Variants in EIF4G3 observed in about 807,000 individuals in gnomAD.
The protein encoded by EIF4G3 is eukaryotic translation initiation factor 4 gamma 3.
A neutral mutation model predicts 186.4 loss-of-function variants in EIF4G3; 34 were observed. That is an observed-to-expected ratio of 0.18 (90% confidence interval 0.14 to 0.24). The LOEUF is 0.24. EIF4G3 is among the 10% of genes least tolerant of loss of function. EIF4G3 has a pLI of 1.00. For synonymous variants in EIF4G3, 673 were observed against 679.5 expected, an observed-to-expected ratio of 0.99 and a Z score of 0.15; for missense variants, 1,536 against 1,948.5, an observed-to-expected ratio of 0.79 and a Z score of 3.99.
At chr1:21,127,429 T>C (rs2097067729) in intron 2 of EIF4G3, among the ~76,000 whole-genome samples, 2 of 152,254 alleles carry the variant, frequency 1.3e-5, no homozygotes, top group African/African-American at 2.4e-5. Flanking sequence ...CTGACAATTA[T>C]GTCTGGGTAC....
At chr1:20,857,088 G>A (rs1050212896) in intron 25 of EIF4G3, among the ~76,000 whole-genome samples, 5 of 139,722 alleles carry the variant, frequency 3.6e-5, no homozygotes, top group Non-Finnish European at 6.1e-5. Flanking sequence ...TTGTGAACTC[G>A]GGAGGTGGAG....
intron 3 of EIF4G3, among the ~76,000 whole-genome samples, chr1:21,063,796 G>A (rs768831172): frequency 2.1e-4 from 31 of 150,120 alleles, no homozygotes; most frequent in African/African-American, 6.9e-4. Context: ...TGCAACCTCC[G>A]CCTCCCGGGT....
At chr1:21,156,393 T>C (rs1450744949) in intron 2 of EIF4G3, among the ~76,000 whole-genome samples, 1 of 152,182 alleles carries the variant, frequency 6.6e-6, no homozygotes. Context: ...TCCATTATGC[T>C]TATATTATCA....
At chr1:20,893,784 C>A (rs2086927929) in intron 17 of EIF4G3, 148 bp from the exon 18 acceptor site, 1 of 802,606 alleles carries the variant, frequency 1.2e-6, no homozygotes, top group Non-Finnish European at 1.8e-6. Context: ...TCATCCATGG[C>A]AGCTTCTCCT....
rs2068361802 is a variant in EIF4G3, at chr1:20,840,904, T to C, written c.4013A>G (p.Tyr1338Cys). The change falls in exon 30 of 37, where the codon TAT becomes TGT. Residue 1338 changes from tyrosine to cysteine, a missense_variant. Physicochemically the swap from Tyr to Cys is radical, Grantham distance 194. Transcript: ENST00000602326. ...GAGTTTTTCTGACTGTACCAGCTGA[T>C]AGAGTAATTGGCCCATGTGATCCCT... ...ITRDHMGQLL[Y>C]QLVQSEKLSK... 2 of 1,614,184 alleles carry C rather than the reference T, an allele frequency of 1.2e-6. No individual in the cohort carries two copies. The highest frequency in any genetic ancestry group is 1.7e-6 in the Non-Finnish European group (2 of 1,180,038).
chr1:20,861,944 A>C (rs1401118890), intron 23 of EIF4G3, among the ~76,000 whole-genome samples: 2 of 152,102 alleles, frequency 1.3e-5, no homozygotes, highest in East Asian at 3.9e-4. Context: ...ACTGCACTCC[A>C]GCCTGGGCGA....
intron 2 of EIF4G3, among the ~76,000 whole-genome samples, chr1:21,113,121 G>T: frequency 8.0e-6 from 1 of 124,406 alleles, no homozygotes; most frequent in Non-Finnish European, 1.6e-5. Flanking sequence ...ACTGTACTCC[G>T]GCCTGGCTGA....
chr1:20,988,860 C>A (rs191754223), intron 7 of EIF4G3, among the ~76,000 whole-genome samples: 4 of 151,306 alleles, frequency 2.6e-5, no homozygotes, highest in African/African-American at 9.7e-5. Flanking sequence ...TGGTTCTGGG[C>A]AAACTACATA....
chr1:20,997,835 T>C (rs2082625825), intron 6 of EIF4G3, among the ~76,000 whole-genome samples: 1 of 151,362 alleles, frequency 6.6e-6, no homozygotes, highest in South Asian at 2.1e-4. Context: ...AACAGCACTA[T>C]CAGAATAGTT....
intron 2 of EIF4G3, among the ~76,000 whole-genome samples, chr1:21,100,106 C>G (rs909864909): frequency 3.9e-5 from 6 of 152,068 alleles, no homozygotes; most frequent in Admixed American, 1.3e-4. Flanking sequence ...AGCCAATCAC[C>G]AAAGACTGTA....
intron 12 of EIF4G3, among the ~76,000 whole-genome samples, chr1:20,952,951 A>G (rs1451668313): frequency 2.0e-5 from 3 of 152,246 alleles, no homozygotes; most frequent in African/African-American, 2.4e-5. Context: ...TTACTAATCA[A>G]TAAGTCAGAA....
intron 3 of EIF4G3, among the ~76,000 whole-genome samples, chr1:21,058,669 C>T (rs1200426691): frequency 2.7e-5 from 4 of 147,456 alleles, no homozygotes; most frequent in Admixed American, 2.0e-4. Context: ...TGGGACTACA[C>T]GTACATGCCA....
At chr1:21,104,945 A>G (rs759353840) in intron 2 of EIF4G3, among the ~76,000 whole-genome samples, 4 of 152,214 alleles carry the variant, frequency 2.6e-5, no homozygotes, top group African/African-American at 4.8e-5. Flanking sequence ...TCCTAAGACA[A>G]CTAATGAAGG....
intron 6 of EIF4G3, among the ~76,000 whole-genome samples, chr1:21,000,756 T>G (rs551730596): frequency 6.6e-6 from 1 of 152,168 alleles, no homozygotes; most frequent in East Asian, 1.9e-4. Flanking sequence ...ATGGGGTGGG[T>G]AATGGTCACT....
intron 19 of EIF4G3, among the ~76,000 whole-genome samples, chr1:20,882,207 ACACAC>A (rs1558059125): frequency 6.8e-4 from 102 of 149,212 alleles, no homozygotes; most frequent in East Asian, 3.0e-3. Flanking sequence ...ACACACACAC[ACACAC>A]ACAAAATCAT....
chr1:20,882,176 T>TACACACACACACAC (rs138208807), intron 19 of EIF4G3, among the ~76,000 whole-genome samples: 1,202 of 86,974 alleles, frequency 0.014, 5 homozygotes, highest in South Asian at 0.039. Context: ...AAAGAAAAAT[T>TACACACACACACAC]ACACACACAC....
chr1:20,918,836 C>T (rs758860303), intron 14 of EIF4G3, among the ~76,000 whole-genome samples: 2 of 151,490 alleles, frequency 1.3e-5, no homozygotes, highest in Non-Finnish European at 2.9e-5. Context: ...TGAGCCACTG[C>T]ACCCAGCCTA....
chr1:21,167,682 C>T (rs1016538747), intron 2 of EIF4G3, among the ~76,000 whole-genome samples: 2 of 151,996 alleles, frequency 1.3e-5, no homozygotes, highest in Non-Finnish European at 1.5e-5. Flanking sequence ...CGCTTGAACC[C>T]GGGAGGTGGA....
chr1:20,918,398 G>A (rs2094141587), intron 14 of EIF4G3, among the ~76,000 whole-genome samples: 1 of 151,770 alleles, frequency 6.6e-6, no homozygotes, highest in Admixed American at 6.6e-5. Flanking sequence ...TTGTACAGAT[G>A]GGTCTCCCTA....
Sources: allele counts gnomAD v4.1 joint callset (sites outside exome capture counted in the v4.1 genomes callset), GRCh38; gene constraint gnomAD v4.1.1; transcripts MANE v1.5; gene names NCBI Gene and HGNC (gene_info 2026-07-23, HGNC 2026-07-21).